The following DACH1 variants were observed in gnomAD, a reference collection of about 807,000 sequenced individuals.
DACH1 encodes dachshund family transcription factor 1.
Under a neutral mutation model 54.2 loss-of-function variants are expected in DACH1, and 12 were observed. The observed-to-expected ratio is 0.22, with a 90% confidence interval of 0.14 to 0.36. The LOEUF (loss-of-function observed/expected upper bound fraction) is 0.36. Among genes scored for constraint, DACH1 ranks in the 10% least tolerant of loss-of-function variants. The pLI is 1.00. For synonymous variants in DACH1, 386 were observed against 366.2 expected (o/e 1.05, Z -0.62); for missense variants, 805 against 929.8 (o/e 0.87, Z 1.75).
At position 71,779,247 on chromosome 13, in the gene DACH1, G is replaced by GTATATACGTATATATACACA. The variant is rs1566495130; in HGVS notation, c.848+86674_848+86675insTGTGTATATATACGTATATA. ...TATACGTATATATACACATATATAC[G>GTATATACGTATATATACACA]TATATACGTATATATGTGTATATAT... On this transcript the variant is annotated intron_variant, in intron 1 of 10. Transcript: ENST00000613252. Among the ~76,000 whole-genome samples, 303 of 121,356 alleles carry GTATATACGTATATATACACA rather than the reference G, an allele frequency of 2.5e-3. 4 individuals are homozygous for GTATATACGTATATATACACA. Among genetic ancestry groups the GTATATACGTATATATACACA allele is most frequent in the African/African-American group, 1.0e-2 (278 of 27,932 alleles). 79.6% of individuals were successfully genotyped at this position (121,356 alleles called of 152,430 possible).
chr13:71,657,157 G>A (rs902736061), intron 2 of DACH1, among the ~76,000 whole-genome samples: 12 of 151,506 alleles, frequency 7.9e-5, no homozygotes, highest in African/African-American at 2.9e-4. Flanking sequence ...TATTAATGGA[G>A]CTAATTGCAT....
chr13:71,848,694 A>T (rs554721594), intron 1 of DACH1, among the ~76,000 whole-genome samples: 38 of 151,946 alleles, frequency 2.5e-4, no homozygotes, highest in South Asian at 2.3e-3. Context: ...ATTAAAAAAA[A>T]TTTTTTTGTA....
At chr13:71,515,704 C>T (rs1227147590) in intron 6 of DACH1, among the ~76,000 whole-genome samples, 4 of 151,816 alleles carry the variant, frequency 2.6e-5, no homozygotes, top group African/African-American at 9.7e-5. Context: ...GCTAGTGTCA[C>T]CAAAGTTCAC....
chr13:71,488,955 G>A, intron 7 of DACH1, 42 bp downstream of exon 7: 3 of 1,584,182 alleles, frequency 1.9e-6, no homozygotes, highest in East Asian at 2.2e-5. Flanking sequence ...TCTACAACAG[G>A]GTGTTCCATA....
At chr13:71,797,332 A>G (rs1306852522) in intron 1 of DACH1, among the ~76,000 whole-genome samples, 1 of 152,058 alleles carries the variant, frequency 6.6e-6, no homozygotes, top group Non-Finnish European at 1.5e-5. Context: ...TGATGTGATC[A>G]AAAAAATTAA....
intron 7 of DACH1, among the ~76,000 whole-genome samples, chr13:71,483,414 A>G (rs933896074): frequency 1.4e-5 from 2 of 147,126 alleles, no homozygotes; most frequent in African/African-American, 4.9e-5. Flanking sequence ...ATTTAATGTT[A>G]CAGTTAAAAT....
chr13:71,521,957 C>T (rs1352388812), intron 6 of DACH1, among the ~76,000 whole-genome samples: 1 of 152,224 alleles, frequency 6.6e-6, no homozygotes, highest in Admixed American at 6.6e-5. Context: ...CTTCAAAAGT[C>T]ATTGTTGTGG....
chr13:71,820,597 CAG>C (rs1566522487), intron 1 of DACH1, among the ~76,000 whole-genome samples: 2 of 152,036 alleles, frequency 1.3e-5, no homozygotes, highest in African/African-American at 4.8e-5. Flanking sequence ...GTTAAAAAAA[CAG>C]AATTCGGTAT....
intron 1 of DACH1, among the ~76,000 whole-genome samples, chr13:71,725,877 T>C (rs1748415920): frequency 6.6e-6 from 1 of 152,150 alleles, no homozygotes. Context: ...AGGCACTGGA[T>C]TACATGGGGC....
At chr13:71,778,781 G>A (rs971050443) in intron 1 of DACH1, among the ~76,000 whole-genome samples, 1 of 151,754 alleles carries the variant, frequency 6.6e-6, no homozygotes, top group African/African-American at 2.4e-5. Context: ...ATTAAACTTG[G>A]AAACAATAAA....
intron 1 of DACH1, among the ~76,000 whole-genome samples, chr13:71,718,057 C>T (rs1883060584): frequency 2.0e-5 from 3 of 151,644 alleles, no homozygotes; most frequent in Non-Finnish European, 4.4e-5. Context: ...CCTAGAAGGC[C>T]CCAGAAAAGA....
At chr13:71,798,916 C>CA (rs1275832993) in intron 1 of DACH1, among the ~76,000 whole-genome samples, 2 of 152,044 alleles carry the variant, frequency 1.3e-5, no homozygotes, top group Non-Finnish European at 2.9e-5. Flanking sequence ...TTCGCTCCCC[C>CA]AGGCCTCTGG....
intron 2 of DACH1, among the ~76,000 whole-genome samples, chr13:71,631,183 T>A (rs1877074284): frequency 2.0e-5 from 3 of 152,166 alleles, no homozygotes; most frequent in African/African-American, 7.2e-5. Context: ...CCATTACCCA[T>A]ACATGACCTG....
At chr13:71,801,563 G>A (rs911777772) in intron 1 of DACH1, among the ~76,000 whole-genome samples, 3 of 152,060 alleles carry the variant, frequency 2.0e-5, no homozygotes, top group Non-Finnish European at 2.9e-5. Flanking sequence ...TCAGGAGTTC[G>A]CGGTTCCAAG....
At chr13:71,691,809 A>T (rs1881490583) in intron 1 of DACH1, among the ~76,000 whole-genome samples, 1 of 152,314 alleles carries the variant, frequency 6.6e-6, no homozygotes, top group South Asian at 2.1e-4. Flanking sequence ...CTCATGGTCT[A>T]TTTTGGGAAA....
chr13:71,724,925 A>G (rs1364312077), intron 1 of DACH1, among the ~76,000 whole-genome samples: 13 of 152,130 alleles, frequency 8.5e-5, no homozygotes, highest in Non-Finnish European at 1.8e-4. Context: ...GTCAATCACA[A>G]CTAACTATAA....
chr13:71,660,651 A>G (rs1441269253), intron 2 of DACH1, among the ~76,000 whole-genome samples: 2 of 151,988 alleles, frequency 1.3e-5, no homozygotes, highest in Non-Finnish European at 2.9e-5. Context: ...AGTTGTTGGG[A>G]GATGATATAG....
chr13:71,630,489 G>A, intron 3 of DACH1, 67 bp downstream of exon 3: 4 of 1,470,410 alleles, frequency 2.7e-6, no homozygotes, highest in Non-Finnish European at 3.6e-6. Context: ...GTTTTGTTCT[G>A]GAAAAGCATT....
chr13:71,517,584 A>G (rs1302777741), intron 6 of DACH1, among the ~76,000 whole-genome samples: 1 of 151,936 alleles, frequency 6.6e-6, no homozygotes, highest in African/African-American at 2.4e-5. Context: ...ATTAACAATA[A>G]CAAAGGTGCA....
Sources: allele counts gnomAD v4.1 joint callset (sites outside exome capture counted in the v4.1 genomes callset), GRCh38; gene constraint gnomAD v4.1.1; transcripts MANE v1.5; gene names NCBI Gene and HGNC (gene_info 2026-07-23, HGNC 2026-07-21).